The following ZNF888 variants were observed in gnomAD, a reference collection of about 807,000 sequenced individuals.
The protein encoded by ZNF888 is zinc finger protein 888, also known as CTD-2331H12.6.
In ZNF888, 5 loss-of-function variants were observed where a neutral mutation model predicts 7.2. The ratio of observed to expected loss-of-function variants is 0.70; its 90% confidence interval spans 0.36 to 1.46. ZNF888 has a LOEUF of 1.46. Among genes scored for constraint, ZNF888 ranks in the 40% most tolerant of loss-of-function variants. ZNF888 has a pLI of 0.03. For missense variants in ZNF888, 716 were observed against 858.0 expected (o/e 0.83, Z 2.07); for synonymous variants, 240 against 284.3 (o/e 0.84, Z 1.57).
chr19:52,916,374 A>G (rs1251401804), intron 3 of ZNF888, among the ~76,000 whole-genome samples: 1 of 152,030 alleles, frequency 6.6e-6, no homozygotes, highest in Non-Finnish European at 1.5e-5. Flanking sequence ...AAATGTTCAC[A>G]AAATAATAAA....
intron 4 of ZNF888, among the ~76,000 whole-genome samples, chr19:52,910,713 A>G (rs147008928): frequency 1.3e-5 from 2 of 152,046 alleles, no homozygotes; most frequent in South Asian, 4.1e-4. Flanking sequence ...CTCACCAGGA[A>G]CTTATTTGGC....
chr19:52,915,626 C>T lies in ZNF888; in HGVS notation c.16-304G>A, dbSNP rs1372446416. Among the ~76,000 whole-genome samples, 3 of 152,086 alleles carry T rather than the reference C, an allele frequency of 2.0e-5. No homozygotes were observed. In the East Asian group the frequency reaches 5.8e-4, roughly 30 times the overall value. On this transcript the variant is annotated intron_variant, in intron 3 of 4. Coordinates refer to ENST00000638862, the MANE Select transcript of ZNF888 (RefSeq NM_001393938.1). Reference sequence around the variant, plus strand: ...AGTAGATAGTACTACAGGCATCTGCCACCATGCCTGGCTAATTTTTTTGTA... The same window carrying T: ...AGTAGATAGTACTACAGGCATCTGCTACCATGCCTGGCTAATTTTTTTGTA...
rs937195868 is a variant in ZNF888, at chr19:52,917,926, C to T, written c.-53G>A. ...CTTCTGAGTTTCTTCTTCACATACCCAGAGTCTTTAGAAGTCAATCATGAA... is the reference window on the plus strand; with the variant it reads ...CTTCTGAGTTTCTTCTTCACATACCTAGAGTCTTTAGAAGTCAATCATGAA... On this transcript the variant is annotated 5_prime_UTR_variant, in exon 3 of 5. Coordinates refer to ENST00000638862, the MANE Select transcript of ZNF888 (RefSeq NM_001393938.1). 4.4e-6 allele frequency: 7 copies of T among 1,609,120 alleles called. No individual in the cohort carries two copies. Among genetic ancestry groups the T allele is most frequent in the Non-Finnish European group, 5.9e-6 (7 of 1,179,950 alleles).
chr19:52,920,131 C>T lies in ZNF888; in HGVS notation c.-177-1194G>A, dbSNP rs1328010713. Among the ~76,000 whole-genome samples the T allele has an allele frequency of 6.1e-4, 35 of 57,170 alleles. 10 individuals carry two copies. Among genetic ancestry groups the T allele is most frequent in the African/African-American group, 1.9e-3 (31 of 16,058 alleles). 37.5% of individuals were successfully genotyped at this position (57,170 alleles called of 152,430 possible). A position where few individuals can be genotyped will look rare whatever the true frequency, so the allele number is the denominator to read the frequency against. ...GAGGTGAGGGGCGCCTCTGCCCGGCCGCCCCTACTGGGAAGTGAGGAGCCC... is the reference window on the plus strand; with the variant it reads ...GAGGTGAGGGGCGCCTCTGCCCGGCTGCCCCTACTGGGAAGTGAGGAGCCC... On this transcript the variant is annotated intron_variant, in intron 1 of 4. Transcript: ENST00000638862.
intron 4 of ZNF888, among the ~76,000 whole-genome samples, chr19:52,911,682 G>A (rs1321719249): frequency 6.6e-6 from 1 of 151,974 alleles, no homozygotes; most frequent in Non-Finnish European, 1.5e-5. Flanking sequence ...GACAGAAACA[G>A]GAAAAAGAGC....
chr19:52,913,701 C>T, intron 4 of ZNF888: 1 of 981,570 alleles, frequency 1.0e-6, no homozygotes, highest in Non-Finnish European at 1.2e-6. Flanking sequence ...TAACCTCTGC[C>T]CATATATCTA....
At chr19:52,913,750 C>T (rs951161870) in intron 4 of ZNF888, 26 of 984,412 alleles carry the variant, frequency 2.6e-5, no homozygotes, top group Non-Finnish European at 3.1e-5. Flanking sequence ...AAGGAATGGA[C>T]ACTAACGTGG....
chr19:52,914,402 G>C (rs1011247766), intron 4 of ZNF888: 6 of 969,572 alleles, frequency 6.2e-6, no homozygotes, highest in Non-Finnish European at 7.4e-6. Context: ...TAACAGGTCA[G>C]AGACTCCTAC....
At position 52,907,324 on chromosome 19, in the gene ZNF888, T is replaced by C; in HGVS notation, c.998A>G (p.Lys333Arg). Residue 333 changes from lysine (K) to arginine (R), a missense_variant, in exon 5 of 5, where the codon AAG becomes AGG. Physicochemically the swap from Lys to Arg is conservative, Grantham distance 26. This residue lies in a region of ZNF888 where 697 missense variants were observed against 803.4 expected (regional missense o/e 0.87). Transcript: ENST00000638862. ...EKPYKCNECG[K>R]VFNQQSNLAR... ...AAGGTTTGATTGTTGATTAAAAACC[T>C]TGCCACATTCATTACACTTGTAAGG... 6.2e-7 allele frequency: 1 copy of C among 1,613,788 alleles called. No homozygotes were observed. The highest frequency in any genetic ancestry group is 1.7e-5 in the Admixed American group (1 of 59,992).
In ZNF888 at chr19:52,908,031, C is replaced by A. The variant is rs1270305274; in HGVS notation, c.291G>T (p.Val97=). ...TTGTTTCATCTTCTTGCCACTGAAA[C>A]ACAAAGTCATGAATGTCTTTCTCAA... ...QEIEKDIHDF[V]FQWQEDETNG... The change falls in exon 5 of 5, where the codon GTG becomes GTT. Residue 97 remains valine, a synonymous_variant. Transcript: ENST00000638862. 7 of 1,614,090 alleles carry A rather than the reference C, an allele frequency of 4.3e-6. No homozygotes were observed. The East Asian group carries it at 1.6e-4, about 36-fold the overall frequency.
chr19:52,913,877 G>C (rs537956919), intron 4 of ZNF888: 1 of 400,544 alleles, frequency 2.5e-6, no homozygotes, highest in South Asian at 1.1e-4. Context: ...TGTAATCCCA[G>C]CCCTTTGGGA....
chr19:52,913,061 C>T (rs1167864058), intron 4 of ZNF888, among the ~76,000 whole-genome samples: 1 of 152,010 alleles, frequency 6.6e-6, no homozygotes, highest in Non-Finnish European at 1.5e-5. Context: ...GAGCCAAGAT[C>T]GCAACATTAC....
At chr19:52,912,257 G>A (rs1455424844) in intron 4 of ZNF888, among the ~76,000 whole-genome samples, 2 of 150,154 alleles carry the variant, frequency 1.3e-5, no homozygotes, top group African/African-American at 2.5e-5. Flanking sequence ...GGGACTACAG[G>A]CACCTGCCAC....
chr19:52,907,255 C>G lies in ZNF888; in HGVS notation c.1067G>C (p.Cys356Ser), dbSNP rs2064621411. 4 of 1,613,236 alleles carry G rather than the reference C, an allele frequency of 2.5e-6. No individual in the cohort carries two copies. The highest frequency in any genetic ancestry group is 3.4e-6 in the Non-Finnish European group (4 of 1,179,772). The stretch of plus-strand genomic sequence containing the variant: ...ACTGAAAACTTTGTCACATTCTTTA[C>G]ATTGGTAAGGTTTCTCTCCAGTATG... The part of the protein sequence containing the change: ...RVHTGEKPYQ[C>S]KECDKVFSRK... Residue 356 changes from cysteine to serine, a missense_variant, in exon 5 of 5, where the codon TGT becomes TCT. Transcript: ENST00000638862.
chr19:52,922,275 A>C (rs533044698), intron 1 of ZNF888, among the ~76,000 whole-genome samples: 2 of 104,562 alleles, frequency 1.9e-5, no homozygotes, highest in African/African-American at 3.7e-5. Context: ...ATCTCTCCTG[A>C]GCTCTCCCTG....
At position 52,907,621 on chromosome 19, in the gene ZNF888, A is replaced by G. The variant is rs1258216798; in HGVS notation, c.701T>C (p.Ile234Thr). The G allele has an allele frequency of 1.2e-6, 2 of 1,601,700 alleles. No individual in the cohort carries two copies. The change falls in exon 5 of 5, where the codon ATA becomes ACA. Residue 234 changes from isoleucine to threonine, a missense_variant. Around this residue, in one of 2 missense-constraint regions of ZNF888, gnomAD observed 697 missense variants for 803.4 expected, o/e 0.87. Transcript: ENST00000638862. ...NCSSLFKKHQ[I>T]IHLGEKQYKC... Reference sequence around the variant, plus strand: ...ATATTGTTTCTCTCCTAGATGAATTATCTGATGTTTTTTAAAGAGTGAGCT... The same window carrying G: ...ATATTGTTTCTCTCCTAGATGAATTGTCTGATGTTTTTTAAAGAGTGAGCT...
chr19:52,916,786 C>T (rs916928896), intron 3 of ZNF888, among the ~76,000 whole-genome samples: 2 of 151,926 alleles, frequency 1.3e-5, no homozygotes, highest in South Asian at 2.1e-4. Context: ...CTAGAGGAAG[C>T]AATCACCCTT....
chr19:52,920,489 C>CAAAAAAAAAAAAAAAA (rs1191621530), intron 1 of ZNF888, among the ~76,000 whole-genome samples: 60 of 6,766 alleles, frequency 8.9e-3, no homozygotes, highest in East Asian at 0.032. Context: ...TGCTTGAAGG[C>CAAAAAAAAAAAAAAAA]AAAAAAAAAA....
intron 4 of ZNF888, among the ~76,000 whole-genome samples, chr19:52,910,234 G>A (rs1248508390): frequency 1.3e-5 from 2 of 151,358 alleles, no homozygotes; most frequent in Non-Finnish European, 2.9e-5. Context: ...CACTTTTGGA[G>A]GCTGAGGCAG....
Sources: allele counts gnomAD v4.1 joint callset (sites outside exome capture counted in the v4.1 genomes callset), GRCh38; gene constraint gnomAD v4.1.1; regional missense constraint gnomAD v4.1.1; transcripts MANE v1.5; gene names NCBI Gene and HGNC (gene_info 2026-07-23, HGNC 2026-07-21).